CDH19: variants seen among roughly 807,000 people sequenced by gnomAD.
CDH19 encodes the protein cadherin-19.
CDH19 carries 67 observed loss-of-function variants against 64.2 expected under a neutral mutation model. The ratio of observed to expected loss-of-function variants is 1.04; its 90% CI spans 0.86 to 1.28. The LOEUF is 1.28. Ranked by LOEUF, CDH19 falls within the 50% of genes most tolerant of loss-of-function variation. CDH19 has a pLI of 0.00. For missense variants in CDH19, 1,030 were observed against 929.0 expected (o/e 1.11, Z -1.41); for synonymous variants, 346 against 319.3 (o/e 1.08, Z -0.89).
chr18:66,566,196 C>T (rs1191001011), intron 3 of CDH19, among the ~76,000 whole-genome samples: 4 of 151,604 alleles, frequency 2.6e-5, no homozygotes, highest in Admixed American at 1.3e-4. Flanking sequence ...AAAATAGAAA[C>T]GTTTATTAAC....
chr18:66,524,569 T>TATATATATATATATATA (rs1276593665), intron 9 of CDH19, among the ~76,000 whole-genome samples: 1 of 135,158 alleles, frequency 7.4e-6, no homozygotes, highest in Non-Finnish European at 1.6e-5. Flanking sequence ...TATATATATA[T>TATATATATATATATATA]AAACATCATC....
At chr18:66,569,530 C>T (rs1353864795) in intron 2 of CDH19, among the ~76,000 whole-genome samples, 1 of 151,508 alleles carries the variant, frequency 6.6e-6, no homozygotes, top group Non-Finnish European at 1.5e-5. Context: ...TATATTCTAC[C>T]TAATTCTCAA....
chr18:66,546,122 A>G (rs1280357055), intron 5 of CDH19, among the ~76,000 whole-genome samples: 2 of 152,158 alleles, frequency 1.3e-5, no homozygotes, highest in African/African-American at 4.8e-5. Flanking sequence ...AGAATTCTAA[A>G]AAGAAGCACA....
intron 7 of CDH19, among the ~76,000 whole-genome samples, chr18:66,543,474 G>A (rs543138384): frequency 6.6e-6 from 1 of 152,152 alleles, no homozygotes; most frequent in East Asian, 1.9e-4. Flanking sequence ...TCTTGCACGT[G>A]TTTGAAATCA....
intron 9 of CDH19, among the ~76,000 whole-genome samples, chr18:66,520,056 G>C (rs1383485077): frequency 6.6e-6 from 1 of 152,024 alleles, no homozygotes; most frequent in East Asian, 1.9e-4. Flanking sequence ...GTGGTGGCAT[G>C]CACCTGTAGT....
At chr18:66,560,770 C>T (rs1987691642) in intron 3 of CDH19, among the ~76,000 whole-genome samples, 1 of 152,006 alleles carries the variant, frequency 6.6e-6, no homozygotes, top group South Asian at 2.1e-4. Context: ...GAACATGAAG[C>T]ATGGTACAGG....
chr18:66,529,505 T>G (rs1022360352), intron 9 of CDH19, among the ~76,000 whole-genome samples: 7 of 150,794 alleles, frequency 4.6e-5, no homozygotes, highest in African/African-American at 1.7e-4. Flanking sequence ...AACTTGAAAT[T>G]TGCATGCTTT....
intron 9 of CDH19, among the ~76,000 whole-genome samples, chr18:66,529,483 T>C (rs1182073339): frequency 2.0e-5 from 3 of 150,940 alleles, no homozygotes; most frequent in Non-Finnish European, 4.4e-5. Flanking sequence ...TTTTAGGAAT[T>C]TGAAAGTAGA....
intron 9 of CDH19, among the ~76,000 whole-genome samples, chr18:66,512,335 A>T (rs1303975819): frequency 6.6e-6 from 1 of 151,582 alleles, no homozygotes; most frequent in African/African-American, 2.4e-5. Flanking sequence ...TTCTTTCAAG[A>T]CATGAATCTG....
intron 9 of CDH19, among the ~76,000 whole-genome samples, chr18:66,526,357 T>C (rs1986220462): frequency 1.3e-5 from 2 of 152,122 alleles, no homozygotes; most frequent in South Asian, 4.1e-4. Flanking sequence ...CTCTATGCCA[T>C]TGCACCCAAT....
intron 4 of CDH19, among the ~76,000 whole-genome samples, chr18:66,552,079 G>A (rs1987364769): frequency 6.6e-6 from 1 of 151,952 alleles, no homozygotes; most frequent in Non-Finnish European, 1.5e-5. Flanking sequence ...GGGAGTGGGG[G>A]AGATAGTTGA....
intron 9 of CDH19, among the ~76,000 whole-genome samples, chr18:66,521,090 A>C (rs1985962359): frequency 6.6e-6 from 1 of 152,078 alleles, no homozygotes; most frequent in Non-Finnish European, 1.5e-5. Context: ...ATTTCTATAC[A>C]CACAAGTAAT....
chr18:66,595,108 T>C (rs1362930017), intron 1 of CDH19, among the ~76,000 whole-genome samples: 3 of 150,802 alleles, frequency 2.0e-5, no homozygotes, highest in African/African-American at 7.3e-5. Flanking sequence ...AGGTCAACAA[T>C]GAAATTAAGG....
intron 1 of CDH19, among the ~76,000 whole-genome samples, chr18:66,593,765 T>C (rs1225972618): frequency 6.6e-6 from 1 of 152,116 alleles, no homozygotes; most frequent in Non-Finnish European, 1.5e-5. Flanking sequence ...ATTTGCTGTA[T>C]AGCTGAAGAG....
At chr18:66,544,427 G>T in intron 6 of CDH19, among the ~76,000 whole-genome samples, 1 of 152,162 alleles carries the variant, frequency 6.6e-6, no homozygotes, top group Middle Eastern at 3.4e-3. Context: ...TTAATTTGGA[G>T]ATAAAGTTAT....
chr18:66,529,995 C>A (rs746257455), intron 8 of CDH19, 29 bp from the exon 9 acceptor site: 7 of 1,170,328 alleles, frequency 6.0e-6, no homozygotes, highest in Middle Eastern at 2.5e-4. Flanking sequence ...TAATAAAAAT[C>A]TAACATATTT....
chr18:66,580,257 A>C (rs960623870), intron 1 of CDH19, among the ~76,000 whole-genome samples: 1 of 152,044 alleles, frequency 6.6e-6, no homozygotes, highest in Non-Finnish European at 1.5e-5. Flanking sequence ...AAAAGCAATA[A>C]ATTTTACAAT....
intron 8 of CDH19, chr18:66,532,819 A>C (rs955321176): frequency 2.4e-6 from 1 of 419,202 alleles, no homozygotes; most frequent in Non-Finnish European, 4.8e-6. Context: ...TCCTTTGGAT[A>C]AAACCACTTA....
chr18:66,533,835 C>T (rs1248768637), intron 8 of CDH19, among the ~76,000 whole-genome samples: 1 of 151,874 alleles, frequency 6.6e-6, no homozygotes, highest in Non-Finnish European at 1.5e-5. Context: ...ATTTTTAAAA[C>T]AGTTTTATGT....
Sources: allele counts gnomAD v4.1 joint callset (sites outside exome capture counted in the v4.1 genomes callset), GRCh38; gene constraint gnomAD v4.1.1; transcripts MANE v1.5; gene names NCBI Gene and HGNC (gene_info 2026-07-23, HGNC 2026-07-21).